The following TYW1B variants were observed in gnomAD, a reference collection of about 807,000 sequenced individuals.
TYW1B encodes the protein S-adenosyl-L-methionine-dependent tRNA 4-demethylwyosine synthase TYW1B.
Under a neutral mutation model 86.9 loss-of-function variants are expected in TYW1B, and 73 were observed. The ratio of observed to expected loss-of-function variants is 0.84; its 90% CI spans 0.70 to 1.02. The LOEUF is 1.02. Among genes scored for constraint, TYW1B ranks in the 50% least tolerant of loss-of-function variants. The pLI is 0.00. For synonymous variants in TYW1B, 248 were observed against 292.8 expected (o/e 0.85, Z 1.56); for missense variants, 637 against 827.4 (o/e 0.77, Z 2.82).
intron 10 of TYW1B, among the ~76,000 whole-genome samples, chr7:72,704,433 TAAA>T (rs1162253814): frequency 1.6e-4 from 15 of 93,222 alleles, no homozygotes; most frequent in South Asian, 4.4e-4. Flanking sequence ...GATTCTATCT[TAAA>T]AAAAAAAAAA....
At chr7:72,794,973 C>T (rs1299155112) in intron 6 of TYW1B, among the ~76,000 whole-genome samples, 1 of 151,972 alleles carries the variant, frequency 6.6e-6, no homozygotes, top group Non-Finnish European at 1.5e-5. Flanking sequence ...GCCATCACAC[C>T]TGGCTAATTT....
At chr7:72,749,339 G>GA (rs1554464458) in intron 7 of TYW1B, among the ~76,000 whole-genome samples, 6 of 152,094 alleles carry the variant, frequency 3.9e-5, no homozygotes, top group African/African-American at 1.2e-4. Flanking sequence ...TGTCACCCAG[G>GA]CTGGAGTGCA....
At chr7:72,818,578 C>CAAAAAAAAAA (rs57325230) in intron 2 of TYW1B, among the ~76,000 whole-genome samples, 2 of 38,430 alleles carry the variant, frequency 5.2e-5, no homozygotes, top group African/African-American at 1.9e-4. Context: ...GACTCCATCT[C>CAAAAAAAAAA]AAAAAAAAAA....
chr7:72,793,074 C>T (rs1788246849), intron 6 of TYW1B, among the ~76,000 whole-genome samples: 1 of 152,142 alleles, frequency 6.6e-6, no homozygotes, highest in Admixed American at 6.6e-5. Context: ...CACGGTGGCT[C>T]TCAACTGTAA....
At chr7:72,826,382 T>G (rs1788929076) in intron 2 of TYW1B, among the ~76,000 whole-genome samples, 1 of 152,218 alleles carries the variant, frequency 6.6e-6, no homozygotes, top group South Asian at 2.1e-4. Flanking sequence ...TCTGGTTGTA[T>G]TCCTCAAATA....
intron 12 of TYW1B, among the ~76,000 whole-genome samples, chr7:72,625,880 G>A (rs1487065046): frequency 9.3e-6 from 1 of 107,240 alleles, no homozygotes; most frequent in African/African-American, 3.4e-5. Flanking sequence ...TAAGAAAGGA[G>A]GGGGGAGAGG....
intron 3 of TYW1B, among the ~76,000 whole-genome samples, chr7:72,811,831 T>G (rs146564162): frequency 0.11 from 16,441 of 148,076 alleles, 977 homozygotes; most frequent in South Asian, 0.14. Flanking sequence ...AAAACTGCTT[T>G]AGCCCAGGAG....
At chr7:72,770,640 C>T (rs1425243851) in intron 7 of TYW1B, among the ~76,000 whole-genome samples, 2 of 152,102 alleles carry the variant, frequency 1.3e-5, no homozygotes, top group African/African-American at 4.8e-5. Context: ...TATATACCTA[C>T]TCTATGACTT....
intron 7 of TYW1B, among the ~76,000 whole-genome samples, chr7:72,750,332 T>C (rs1455707197): frequency 6.6e-6 from 1 of 152,188 alleles, no homozygotes; most frequent in African/African-American, 2.4e-5. Flanking sequence ...TTTTGCTGCA[T>C]ATGAAACTCA....
At position 72,709,072 on chromosome 7, in the gene TYW1B, T is replaced by C. The variant is rs116748957; in HGVS notation, c.1370+4549A>G. 7.1e-3 allele frequency among the ~76,000 whole-genome samples: 1,079 copies of C among 152,272 alleles called. 18 individuals carry two copies. The highest frequency in any genetic ancestry group is 0.025 in the African/African-American group (1,051 of 41,562). On this transcript the variant is annotated intron_variant, in intron 10 of 13. Coordinates refer to ENST00000620995, the MANE Select transcript of TYW1B (RefSeq NM_001145440.3). ...AGGACTGCTCTGTTTCAGAAAAAGG[T>C]AAGATGAAAGACTATGTCCTCAACC...
intron 8 of TYW1B, among the ~76,000 whole-genome samples, chr7:72,734,083 C>G (rs571545686): frequency 6.6e-6 from 1 of 151,834 alleles, no homozygotes; most frequent in African/African-American, 2.4e-5. Context: ...ATAGTGAAAC[C>G]CCATCTCTAA....
intron 6 of TYW1B, among the ~76,000 whole-genome samples, chr7:72,792,901 C>T (rs1788244258): frequency 6.6e-6 from 1 of 152,084 alleles, no homozygotes; most frequent in Non-Finnish European, 1.5e-5. Flanking sequence ...TATACCAAAA[C>T]AAATGTGTTT....
intron 11 of TYW1B, among the ~76,000 whole-genome samples, chr7:72,651,740 C>T (rs1483872896): frequency 6.6e-6 from 1 of 152,062 alleles, no homozygotes; most frequent in East Asian, 1.9e-4. Context: ...AAATCACAAA[C>T]ATCTCAAAAG....
At chr7:72,761,386 G>C (rs1224748031) in intron 7 of TYW1B, among the ~76,000 whole-genome samples, 2 of 151,926 alleles carry the variant, frequency 1.3e-5, no homozygotes, top group Non-Finnish European at 2.9e-5. Flanking sequence ...AAATATATAA[G>C]GTATGTTTTT....
intron 8 of TYW1B, among the ~76,000 whole-genome samples, chr7:72,735,458 C>G (rs1401390988): frequency 6.6e-6 from 1 of 151,500 alleles, no homozygotes; most frequent in African/African-American, 2.4e-5. Flanking sequence ...TGTAATCCCA[C>G]TTATTCAGGA....
At chr7:72,745,851 G>GGTGTGTGTGTGTGTGTGT (rs1162824267) in intron 7 of TYW1B, among the ~76,000 whole-genome samples, 4 of 75,068 alleles carry the variant, frequency 5.3e-5, no homozygotes, top group African/African-American at 1.3e-4. Flanking sequence ...CGTGTATAGG[G>GGTGTGTGTGTGTGTGTGT]GTGTGTGTGT....
At chr7:72,594,187 T>C (rs529033260) in intron 13 of TYW1B, among the ~76,000 whole-genome samples, 11 of 151,084 alleles carry the variant, frequency 7.3e-5, no homozygotes, top group South Asian at 6.3e-4. Flanking sequence ...AAATAGAGAA[T>C]AGAAAAAAAC....
At chr7:72,577,057 G>C (rs1554428803) in intron 13 of TYW1B, among the ~76,000 whole-genome samples, 1 of 151,970 alleles carries the variant, frequency 6.6e-6, no homozygotes, top group African/African-American at 2.4e-5. Flanking sequence ...AACCTGGGAG[G>C]TGGAGGTTGC....
At chr7:72,728,678 T>C in intron 9 of TYW1B, 144 bp downstream of exon 9, 2 of 802,820 alleles carry the variant, frequency 2.5e-6, no homozygotes, top group Admixed American at 2.9e-5. Flanking sequence ...GCAAAATATA[T>C]ATAATATTCC....
Sources: gnomAD v4.1 joint callset for allele counts (sites outside exome capture counted in the v4.1 genomes callset) on GRCh38, gnomAD v4.1.1 for gene constraint, MANE v1.5 for transcripts, NCBI Gene and HGNC (gene_info 2026-07-23, HGNC 2026-07-21) for gene names.